PAN3: variants seen among roughly 807,000 people sequenced by gnomAD.
PAN3 encodes the protein PAN2-PAN3 deadenylation complex subunit PAN3.
In PAN3, 19 loss-of-function variants were observed where a neutral mutation model predicts 96.2. The ratio of observed to expected loss-of-function variants is 0.20; its 90% CI spans 0.14 to 0.29. The LOEUF is 0.29. Ranked by LOEUF, PAN3 falls within the 10% of genes least tolerant of loss-of-function variation. The pLI is 1.00. For missense variants in PAN3, 882 were observed against 1,108.1 expected, an observed-to-expected ratio of 0.80 and a Z score of 2.90; for synonymous variants, 433 against 406.6, an observed-to-expected ratio of 1.06 and a Z score of -0.78.
chr13:28,160,511 A>G (rs1420961100), intron 1 of PAN3, among the ~76,000 whole-genome samples: 2 of 152,196 alleles, frequency 1.3e-5, no homozygotes, highest in African/African-American at 2.4e-5. Context: ...ACTTTTAGTA[A>G]TAGGCAGTTG....
chr13:28,235,684 C>CACACACAT (rs1384287664), intron 6 of PAN3, among the ~76,000 whole-genome samples: 16 of 121,350 alleles, frequency 1.3e-4, no homozygotes, highest in East Asian at 6.7e-4. Context: ...CTCTAATATA[C>CACACACAT]ACACACACAC....
At chr13:28,189,148 A>G (rs971654482) in intron 4 of PAN3, among the ~76,000 whole-genome samples, 9 of 152,284 alleles carry the variant, frequency 5.9e-5, no homozygotes, top group Non-Finnish European at 1.2e-4. Flanking sequence ...AAACCACTGG[A>G]ACTGGCTTTT....
chr13:28,163,111 A>G (rs1462714275), intron 1 of PAN3, among the ~76,000 whole-genome samples: 1 of 151,710 alleles, frequency 6.6e-6, no homozygotes, highest in Admixed American at 6.6e-5. Flanking sequence ...TGGTATGATG[A>G]CAGCTCACTG....
chr13:28,162,429 A>C (rs1872990441), intron 1 of PAN3, among the ~76,000 whole-genome samples: 1 of 152,194 alleles, frequency 6.6e-6, no homozygotes, highest in African/African-American at 2.4e-5. Flanking sequence ...TCATGCCTGT[A>C]ATCCCAGCAC....
At chr13:28,209,499 A>G (rs1327193974) in intron 5 of PAN3, among the ~76,000 whole-genome samples, 1 of 152,226 alleles carries the variant, frequency 6.6e-6, no homozygotes, top group Admixed American at 6.5e-5. Context: ...ATGTTTAATA[A>G]AAATATATCA....
At chr13:28,259,588 T>C (rs1473186805) in intron 7 of PAN3, among the ~76,000 whole-genome samples, 2 of 151,752 alleles carry the variant, frequency 1.3e-5, no homozygotes, top group African/African-American at 4.8e-5. Flanking sequence ...GATTTTTAAT[T>C]GATTACTGAA....
At chr13:28,288,677 A>G (rs758246481) in intron 18 of PAN3, among the ~76,000 whole-genome samples, 3 of 152,138 alleles carry the variant, frequency 2.0e-5, no homozygotes, top group Non-Finnish European at 4.4e-5. Context: ...CCTTTATGCA[A>G]TGTTTTATTT....
In PAN3 at chr13:28,242,648, C is replaced by T. The variant is rs377407992; in HGVS notation, c.1001-13644C>T. ...TTAGAGTATTTGGTGTTGGCAAGTA[C>T]GGCTGTTGATGTATGAGAGGAAGGA... On this transcript the variant is annotated intron_variant, in intron 6 of 18. Transcript: ENST00000380958. 4.6e-5 allele frequency among the ~76,000 whole-genome samples: 7 copies of T among 152,100 alleles called. No individual in the cohort carries two copies. The East Asian group carries it at 9.6e-4, about 21-fold the overall frequency.
intron 3 of PAN3, 69 bp from the exon 4 acceptor site, chr13:28,177,796 T>A: frequency 7.9e-7 from 1 of 1,271,200 alleles, no homozygotes; most frequent in South Asian, 1.2e-5. Context: ...CATTGTCAAA[T>A]TAAACAGTTA....
At chr13:28,222,249 G>A (rs1382467705) in intron 6 of PAN3, among the ~76,000 whole-genome samples, 1 of 152,000 alleles carries the variant, frequency 6.6e-6, no homozygotes, top group African/African-American at 2.4e-5. Context: ...TTTGGAGGTA[G>A]GTATATTCAT....
chr13:28,144,953 C>T (rs1870430462), intron 1 of PAN3, among the ~76,000 whole-genome samples: 3 of 151,832 alleles, frequency 2.0e-5, no homozygotes, highest in South Asian at 4.2e-4. Flanking sequence ...CTCCTGACCT[C>T]GTGATCCACC....
chr13:28,259,133 T>TTC (rs1885462013), intron 7 of PAN3, among the ~76,000 whole-genome samples: 1 of 148,582 alleles, frequency 6.7e-6, no homozygotes, highest in African/African-American at 2.5e-5. Context: ...CTCATTAGAT[T>TTC]TTTTTTTTTT....
chr13:28,279,579 G>C (rs924164040), intron 15 of PAN3, among the ~76,000 whole-genome samples: 2 of 151,766 alleles, frequency 1.3e-5, no homozygotes, highest in Non-Finnish European at 2.9e-5. Flanking sequence ...CCAACATGGT[G>C]AAACCCTGTC....
At chr13:28,270,185 C>G (rs982382076) in intron 12 of PAN3, among the ~76,000 whole-genome samples, 8 of 152,142 alleles carry the variant, frequency 5.3e-5, no homozygotes, top group African/African-American at 1.9e-4. Flanking sequence ...TATCAAAAAC[C>G]ACTTAATGAG....
rs1162920222 is a variant in PAN3, at chr13:28,270,726, G to A, written c.1818G>A (p.Arg606=). Reference sequence around the variant, plus strand: ...GTCAGCACGAGGGACCATTGCCCAGGCAGCATGCTGGATTATTGCCAGAAT... The same window carrying A: ...GTCAGCACGAGGGACCATTGCCCAGACAGCATGCTGGATTATTGCCAGAAT... ...KWGQHEGPLP[R]QHAGLLPESL... The change falls in exon 13 of 19, where the codon AGG becomes AGA. Residue 606 remains arginine (R), a synonymous_variant. Coordinates refer to ENST00000380958, the MANE Select transcript of PAN3 (RefSeq NM_175854.8). 5 of 1,613,720 alleles carry A rather than the reference G, an allele frequency of 3.1e-6. No individual in the cohort carries two copies. In the African/African-American group the frequency reaches 6.7e-5, roughly 22 times the overall value.
At chr13:28,159,290 TG>T (rs1880393376) in intron 1 of PAN3, among the ~76,000 whole-genome samples, 1 of 152,174 alleles carries the variant, frequency 6.6e-6, no homozygotes, top group Admixed American at 6.5e-5. Flanking sequence ...AACAGGATAA[TG>T]TCCTTTGCAG....
chr13:28,269,406 A>G (rs542369723), intron 12 of PAN3, among the ~76,000 whole-genome samples: 16 of 152,172 alleles, frequency 1.1e-4, no homozygotes, highest in African/African-American at 3.1e-4. Context: ...TAACCATACC[A>G]TACATGCATA....
chr13:28,207,081 G>T (rs186701402), intron 5 of PAN3, among the ~76,000 whole-genome samples: 280 of 152,104 alleles, frequency 1.8e-3, no homozygotes, highest in African/African-American at 5.9e-3. Context: ...AAAAATAAAT[G>T]AATAAAAAAT....
intron 5 of PAN3, among the ~76,000 whole-genome samples, chr13:28,209,579 G>A (rs1162767961): frequency 6.6e-6 from 1 of 152,070 alleles, no homozygotes; most frequent in Non-Finnish European, 1.5e-5. Flanking sequence ...CCTACTGGTA[G>A]ATATTTTACT....
Sources: allele counts gnomAD v4.1 joint callset (sites outside exome capture counted in the v4.1 genomes callset), GRCh38; gene constraint gnomAD v4.1.1; transcripts MANE v1.5; gene names NCBI Gene and HGNC (gene_info 2026-07-23, HGNC 2026-07-21).